Variants in STK24 observed in about 807,000 individuals in gnomAD.
The protein encoded by STK24 is serine/threonine-protein kinase 24.
STK24 carries 21 observed loss-of-function variants against 55.6 expected under a neutral mutation model. The observed-to-expected ratio is 0.38, with a 90% CI of 0.27 to 0.54. STK24 has a LOEUF of 0.54. Ranked by LOEUF, STK24 falls within the 20% of genes least tolerant of loss-of-function variation. The pLI is 0.79. For synonymous variants in STK24, 200 were observed against 215.2 expected (o/e 0.93, Z 0.62); for missense variants, 383 against 538.4 (o/e 0.71, Z 2.86).
intron 1 of STK24, 55 bp from the exon 2 acceptor site, chr13:98,519,528 T>A: frequency 7.4e-7 from 1 of 1,354,188 alleles, no homozygotes. Flanking sequence ...GCACCACAAC[T>A]CCTTTGTCAA....
At chr13:98,499,148 G>C (rs1594614198) in intron 2 of STK24, among the ~76,000 whole-genome samples, 1 of 151,980 alleles carries the variant, frequency 6.6e-6, no homozygotes, top group African/African-American at 2.4e-5. Context: ...TGGGGCAGCA[G>C]AATCACTTGA....
intron 2 of STK24, chr13:98,508,878 C>G (rs186348434): frequency 1.3e-4 from 19 of 150,564 alleles, no homozygotes; most frequent in Admixed American, 1.2e-3. Context: ...TTGCCAATTT[C>G]AAAGCTGTTT....
chr13:98,575,519 A>T (rs1897866154), intron 1 of STK24, among the ~76,000 whole-genome samples: 1 of 152,150 alleles, frequency 6.6e-6, no homozygotes. Context: ...AAACCTGAAC[A>T]GTGAAATCCA....
intron 1 of STK24, among the ~76,000 whole-genome samples, chr13:98,558,626 T>C (rs533383796): frequency 6.6e-6 from 1 of 152,324 alleles, no homozygotes; most frequent in African/African-American, 2.4e-5. Context: ...CTCTTAAGAT[T>C]ATAGTTTACA....
At chr13:98,479,556 C>T (rs923883334) in intron 3 of STK24, among the ~76,000 whole-genome samples, 1 of 152,194 alleles carries the variant, frequency 6.6e-6, no homozygotes, top group Non-Finnish European at 1.5e-5. Context: ...AGTCCTAAAG[C>T]CTCTCTGCTT....
chr13:98,494,071 T>C (rs1216661200), intron 2 of STK24, among the ~76,000 whole-genome samples: 2 of 148,244 alleles, frequency 1.3e-5, no homozygotes, highest in Non-Finnish European at 3.0e-5. Context: ...CTCGATCTCC[T>C]GACCTCGTGA....
chr13:98,461,722 A>T lies in STK24; in HGVS notation c.1053+52T>A, dbSNP rs192121786. 743 of 1,599,962 alleles carry T rather than the reference A, an allele frequency of 4.6e-4. 1 individual carries two copies. Among genetic ancestry groups the T allele is most frequent in the Non-Finnish European group, 5.9e-4 (691 of 1,168,750 alleles). On this transcript the variant is annotated intron_variant, in intron 8 of 10. Coordinates refer to ENST00000539966, the MANE Select transcript of STK24 (RefSeq NM_001032296.4). ...GCAAGCTTCACACACAAGTGCCTCC[A>T]AAACACTGCAGACTGAGGTCAGCGT...
chr13:98,560,918 A>C (rs933550263), intron 1 of STK24, among the ~76,000 whole-genome samples: 27 of 147,554 alleles, frequency 1.8e-4, no homozygotes, highest in African/African-American at 6.6e-4. Context: ...AAAAAAAAAA[A>C]CCATAATTCA....
intron 1 of STK24, among the ~76,000 whole-genome samples, chr13:98,552,741 G>A (rs1897187086): frequency 1.3e-5 from 2 of 152,052 alleles, no homozygotes; most frequent in Admixed American, 6.5e-5. Context: ...AACTGCCTTC[G>A]GTCTAGTCAG....
At chr13:98,526,138 G>A (rs1241730831) in intron 1 of STK24, among the ~76,000 whole-genome samples, 2 of 152,196 alleles carry the variant, frequency 1.3e-5, no homozygotes, top group East Asian at 1.9e-4. Context: ...AAACAGGTCC[G>A]TCTTTGCTTT....
chr13:98,482,463 T>A, intron 2 of STK24, 142 bp from the exon 3 acceptor site: 1 of 557,298 alleles, frequency 1.8e-6, no homozygotes, highest in Non-Finnish European at 3.2e-6. Flanking sequence ...TGTGTCAAAG[T>A]GAGAGCTGTG....
At chr13:98,545,965 T>C (rs1201452404) in intron 1 of STK24, among the ~76,000 whole-genome samples, 1 of 152,014 alleles carries the variant, frequency 6.6e-6, no homozygotes. Flanking sequence ...AACATGAAAG[T>C]TTAAAGAAAT....
At chr13:98,541,740 C>G (rs1231798415) in intron 1 of STK24, among the ~76,000 whole-genome samples, 1 of 152,166 alleles carries the variant, frequency 6.6e-6, no homozygotes, top group Non-Finnish European at 1.5e-5. Context: ...CAGTTTGTCT[C>G]AACAGCCTGT....
intron 1 of STK24, among the ~76,000 whole-genome samples, chr13:98,527,037 C>T (rs893627357): frequency 1.3e-5 from 2 of 152,222 alleles, no homozygotes; most frequent in African/African-American, 4.8e-5. Flanking sequence ...TCGATACACA[C>T]TCGGAAGTAG....
rs115891127 is a variant in STK24 at position 98,471,772 on chromosome 13, A to C, written c.597+3049T>G. ...TCCCTTTAGTTCAGTGAGATGAAGA[A>C]GCTAGTGAGGCAGGTGAAGTCCATC... is the stretch of plus-strand genomic sequence containing the variant. On this transcript the variant is annotated intron_variant, in intron 5 of 10. Transcript: ENST00000539966. Among the ~76,000 whole-genome samples, 1,396 of 152,322 alleles carry C rather than the reference A, an allele frequency of 9.2e-3. 19 individuals are homozygous for C. The highest frequency in any genetic ancestry group is 0.031 in the African/African-American group (1,275 of 41,576).
chr13:98,533,705 G>GA (rs1271485503), intron 1 of STK24, among the ~76,000 whole-genome samples: 6 of 152,044 alleles, frequency 3.9e-5, no homozygotes, highest in Admixed American at 2.0e-4. Flanking sequence ...TTAAAAATGA[G>GA]AAAAACACTA....
At chr13:98,474,108 T>C (rs1894270410) in intron 5 of STK24, among the ~76,000 whole-genome samples, 1 of 152,146 alleles carries the variant, frequency 6.6e-6, no homozygotes, top group South Asian at 2.1e-4. Context: ...ACCAGAGCCC[T>C]AGGAGGCAAA....
intron 5 of STK24, among the ~76,000 whole-genome samples, chr13:98,470,948 C>A (rs1894120607): frequency 6.6e-6 from 1 of 152,218 alleles, no homozygotes; most frequent in Non-Finnish European, 1.5e-5. Context: ...CAGATGCGAT[C>A]ATTAGGAACA....
intron 1 of STK24, among the ~76,000 whole-genome samples, chr13:98,539,299 T>C (rs1365384150): frequency 6.6e-6 from 1 of 152,222 alleles, no homozygotes; most frequent in Non-Finnish European, 1.5e-5. Context: ...ACAATATTAA[T>C]GTTGCAATGG....
Sources: allele counts gnomAD v4.1 joint callset (sites outside exome capture counted in the v4.1 genomes callset), GRCh38; gene constraint gnomAD v4.1.1; transcripts MANE v1.5; gene names NCBI Gene and HGNC (gene_info 2026-07-23, HGNC 2026-07-21).